Variants in PDHX observed in about 807,000 individuals in gnomAD.
PDHX encodes the protein pyruvate dehydrogenase protein X component, mitochondrial.
Under a neutral mutation model 55.3 loss-of-function variants are expected in PDHX, and 33 were observed. The observed-to-expected ratio is 0.60, with a 90% CI of 0.45 to 0.80. The LOEUF (loss-of-function observed/expected upper bound fraction) is 0.80, where lower values mean the gene tolerates loss of function less well. Among genes scored for constraint, PDHX ranks in the 30% least tolerant of loss-of-function variants. PDHX has a pLI of 0.00. For synonymous variants in PDHX, 226 were observed against 219.4 expected, an observed-to-expected ratio of 1.03 and a Z score of -0.27; for missense variants, 622 against 619.9, an observed-to-expected ratio of 1.00 and a Z score of -0.04.
intron 3 of PDHX, among the ~76,000 whole-genome samples, chr11:34,948,003 T>A (rs535003821): frequency 6.6e-6 from 1 of 152,316 alleles, no homozygotes; most frequent in East Asian, 1.9e-4. Context: ...TCTAAGACTG[T>A]GGACTCTGGA....
At chr11:34,969,312 T>C (rs12274680) in intron 6 of PDHX, among the ~76,000 whole-genome samples, 15,298 of 152,024 alleles carry the variant, frequency 0.1, 1,622 homozygotes, top group African/African-American at 0.27. Flanking sequence ...GGTTTGTTGA[T>C]TTATTGGCTG....
intron 4 of PDHX, among the ~76,000 whole-genome samples, chr11:34,958,202 G>C (rs933924577): frequency 6.6e-6 from 1 of 151,634 alleles, no homozygotes; most frequent in Non-Finnish European, 1.5e-5. Flanking sequence ...TTTTCTTTAC[G>C]AGAAAAAGAT....
intron 8 of PDHX, among the ~76,000 whole-genome samples, chr11:34,983,965 A>C (rs1855583998): frequency 6.6e-6 from 1 of 152,242 alleles, no homozygotes. Flanking sequence ...CCGCATTGCC[A>C]AGTCAATCCT....
chr11:34,987,687 G>A (rs940348311), intron 9 of PDHX, among the ~76,000 whole-genome samples: 6 of 151,396 alleles, frequency 4.0e-5, no homozygotes, highest in East Asian at 3.9e-4. Flanking sequence ...TGCTGTGGAT[G>A]AATAGGCATT....
intron 2 of PDHX, among the ~76,000 whole-genome samples, chr11:34,936,275 A>C (rs12275277): frequency 0.19 from 28,738 of 152,062 alleles, 3,866 homozygotes; most frequent in African/African-American, 0.39. Flanking sequence ...TGATAGACCC[A>C]ACCAAGTCTG....
At chr11:34,985,524 T>A (rs1427501600) in intron 9 of PDHX, among the ~76,000 whole-genome samples, 1 of 152,178 alleles carries the variant, frequency 6.6e-6, no homozygotes, top group African/African-American at 2.4e-5. Context: ...GTAACTCCAA[T>A]GTGTAGGAAT....
chr11:34,995,216 A>G lies in PDHX; in HGVS notation c.*44A>G, dbSNP rs752818327. On this transcript the variant is annotated 3_prime_UTR_variant, in exon 11 of 11. Coordinates refer to ENST00000227868, the MANE Select transcript of PDHX (RefSeq NM_003477.3). ...TGGTGTTCAGCTTAGTTGATTCAGT[A>G]GTTGTTACCAAGAAACATATGTTAT... 6.2e-7 allele frequency: 1 copy of G among 1,601,308 alleles called. No homozygotes were observed. Among genetic ancestry groups the G allele is most frequent in the Admixed American group, 1.7e-5 (1 of 59,982 alleles).
chr11:34,931,471 G>T lies in PDHX; in HGVS notation c.228G>T (p.Trp76Cys). Residue 76 changes from tryptophan (W) to cysteine (C), a missense_variant, in exon 2 of 11, where the codon TGG becomes TGT. Coordinates refer to ENST00000227868, the MANE Select transcript of PDHX (RefSeq NM_003477.3). ...PTMEEGNIVK[W>C]LKKEGEAVSA... ...TGGAAGAAGGAAACATTGTGAAATG[G>T]CTGAAAAAGGAAGGTGAGGAGGTAC... is the stretch of plus-strand genomic sequence containing the variant. The T allele has an allele frequency of 6.3e-7, 1 of 1,595,036 alleles. No homozygotes were observed. The highest frequency in any genetic ancestry group is 8.6e-7 in the Non-Finnish European group (1 of 1,164,060).
At chr11:34,922,633 C>G (rs1009842078) in intron 1 of PDHX, among the ~76,000 whole-genome samples, 6 of 152,030 alleles carry the variant, frequency 3.9e-5, no homozygotes. Flanking sequence ...TAGTAATAAC[C>G]GCATTGTAGA....
In PDHX at chr11:34,978,865, A is replaced by T. The variant is rs369288880; in HGVS notation, c.1023+683A>T. On this transcript the variant is annotated intron_variant, in intron 8 of 10. Coordinates refer to ENST00000227868, the MANE Select transcript of PDHX (RefSeq NM_003477.3). The stretch of plus-strand genomic sequence containing the variant: ...GACTAGGGATTTTATTATGGGTGAG[A>T]AGGAAGCCTTTGGAGGGTTTTGAAC... Among the ~76,000 whole-genome samples, 4 of 152,238 alleles carry T rather than the reference A, an allele frequency of 2.6e-5. No individual in the cohort carries two copies. The East Asian group carries it at 7.7e-4, about 29-fold the overall frequency.
At chr11:34,993,917 T>TA (rs1855808150) in intron 10 of PDHX, among the ~76,000 whole-genome samples, 1 of 152,208 alleles carries the variant, frequency 6.6e-6, no homozygotes, top group South Asian at 2.1e-4. Context: ...TTCTTTCAGT[T>TA]ATGTTTTATA....
chr11:34,986,198 G>A (rs773002724), intron 9 of PDHX, among the ~76,000 whole-genome samples: 18 of 151,904 alleles, frequency 1.2e-4, no homozygotes, highest in Middle Eastern at 3.4e-3. Context: ...TGAACTATTC[G>A]CGTGACGGAG....
chr11:34,962,983 T>C (rs1855051894), intron 5 of PDHX, among the ~76,000 whole-genome samples: 2 of 152,202 alleles, frequency 1.3e-5, no homozygotes, highest in Admixed American at 6.5e-5. Context: ...CCCTTTTCTC[T>C]TCCCTGCCTT....
upstream of PDHX, chr11:34,916,123 C>G: frequency 6.9e-7 from 1 of 1,450,018 alleles, no homozygotes; most frequent in African/African-American, 1.4e-5. Context: ...AACCCCGCCC[C>G]GCAGCTAAAC....
chr11:34,985,604 A>T (rs1564932707), intron 9 of PDHX, among the ~76,000 whole-genome samples: 2 of 152,220 alleles, frequency 1.3e-5, no homozygotes, highest in Non-Finnish European at 2.9e-5. Context: ...TGACAGCCTC[A>T]GTAATTTCCA....
At chr11:34,916,283 A>T (rs1853690372), upstream of PDHX, 1 of 1,612,272 alleles carries the variant, frequency 6.2e-7, no homozygotes, top group African/African-American at 1.3e-5. Flanking sequence ...ACAGCCAGAC[A>T]TGGCCCAGAC....
Position 34,966,725 on chromosome 11 carries a change from G to T in PDHX, c.727G>T (p.Ala243Ser). Residue 243 changes from alanine to serine, a missense_variant, in exon 6 of 11, where the codon GCA becomes TCA. Ala to Ser is a moderately conservative substitution (Grantham distance 99, BLOSUM62 1). Transcript: ENST00000227868. ...TCCAGCCCCCACAGCCACTCCCACA[G>T]CACCTTCGCCCCTACAGGCCACAGC... ...PTPAPTATPT[A>S]PSPLQATAGP... 1.9e-6 allele frequency: 3 copies of T among 1,614,064 alleles called. No individual in the cohort carries two copies. Among genetic ancestry groups the T allele is most frequent in the Non-Finnish European group, 2.5e-6 (3 of 1,179,978 alleles).
rs199583315 is a variant in PDHX, at chr11:34,947,502, G to A, written c.242-4G>A. 1.7e-4 allele frequency: 268 copies of A among 1,604,904 alleles called. No homozygotes were observed. Among genetic ancestry groups the A allele is most frequent in the Non-Finnish European group, 2.3e-4 (264 of 1,172,052 alleles). On this transcript the variant is annotated splice_region_variant and splice_polypyrimidine_tract_variant and intron_variant, in intron 2 of 10. Coordinates refer to ENST00000227868, the MANE Select transcript of PDHX (RefSeq NM_003477.3). ...AACAAAACAAACCCAGTCTTGTTTTGTAGGTGAAGCGGTGAGTGCTGGAGA... is the reference window on the plus strand; with the variant it reads ...AACAAAACAAACCCAGTCTTGTTTTATAGGTGAAGCGGTGAGTGCTGGAGA...
Position 34,970,195 on chromosome 11 carries a change from A to T in PDHX, c.873A>T (p.Leu291Phe), listed in dbSNP as rs1203710952. Residue 291 changes from leucine to phenylalanine, a missense_variant, in exon 7 of 11, where the codon TTA becomes TTT. Physicochemically the swap from Leu to Phe is conservative, Grantham distance 22. Transcript: ENST00000227868. The part of the protein sequence containing the change: ...SNIRRVIAKR[L>F]TESKSTVPHA... ...TTCGAAGAGTTATTGCCAAGAGATT[A>T]ACTGAATCTAAAAGTACTGTACCTC... 1 of 1,612,428 alleles carries T rather than the reference A, an allele frequency of 6.2e-7. No individual in the cohort carries two copies. The highest frequency in any genetic ancestry group is 1.7e-5 in the Admixed American group (1 of 59,992).
Sources: gnomAD v4.1 joint callset for allele counts (sites outside exome capture counted in the v4.1 genomes callset) on GRCh38, gnomAD v4.1.1 for gene constraint, MANE v1.5 for transcripts, NCBI Gene and HGNC (gene_info 2026-07-23, HGNC 2026-07-21) for gene names.